The following CHD2 variants were observed in gnomAD, a reference collection of about 807,000 sequenced individuals.
CHD2 encodes chromodomain helicase DNA binding protein 2.
Under a neutral mutation model 243.9 loss-of-function variants are expected in CHD2, and 28 were observed. The ratio of observed to expected loss-of-function variants is 0.11; its 90% CI spans 0.09 to 0.16. The LOEUF (loss-of-function observed/expected upper bound fraction) is 0.16. Among genes scored for constraint, CHD2 ranks in the 10% least tolerant of loss-of-function variants. The pLI, the probability that CHD2 is intolerant of heterozygous loss-of-function variation, is 1.00. For missense variants in CHD2, 1,386 were observed against 2,209.8 expected (o/e 0.63, Z 7.47); for synonymous variants, 775 against 779.0 (o/e 0.99, Z 0.09).
intron 2 of CHD2, among the ~76,000 whole-genome samples, chr15:92,923,048 C>T (rs1373686095): frequency 1.3e-5 from 2 of 152,194 alleles, no homozygotes; most frequent in Non-Finnish European, 2.9e-5. Flanking sequence ...TCATTAGCAT[C>T]AGAGTGCCCT....
At chr15:92,927,414 A>G (rs2053083695) in intron 4 of CHD2, 84 bp downstream of exon 4, 6 of 989,776 alleles carry the variant, frequency 6.1e-6, no homozygotes, top group African/African-American at 3.2e-5. Context: ...ATTACCATTA[A>G]AAAGACTGAA....
At chr15:92,924,234 A>T (rs1274447568) in intron 2 of CHD2, 87 bp from the exon 3 acceptor site, 4 of 1,155,326 alleles carry the variant, frequency 3.5e-6, no homozygotes, top group Non-Finnish European at 3.7e-6. Flanking sequence ...TACTATCTGC[A>T]AATGTTTTAC....
At chr15:92,953,778 G>T (rs2053582760) in intron 14 of CHD2, 4 of 565,218 alleles carry the variant, frequency 7.1e-6, no homozygotes, top group Non-Finnish European at 1.2e-5. Context: ...AAAAGCAACA[G>T]CAGTATGTGA....
intron 2 of CHD2, among the ~76,000 whole-genome samples, chr15:92,917,790 C>T (rs945622174): frequency 2.0e-5 from 3 of 152,182 alleles, no homozygotes; most frequent in Admixed American, 6.5e-5. Context: ...TACACACGCA[C>T]ATACACACAC....
intron 5 of CHD2, among the ~76,000 whole-genome samples, chr15:92,934,526 G>C (rs933413843): frequency 6.6e-6 from 1 of 152,120 alleles, no homozygotes; most frequent in Non-Finnish European, 1.5e-5. Flanking sequence ...CTTTATTGTA[G>C]ACTGACTTAC....
At chr15:92,920,276 C>T (rs759062028) in intron 2 of CHD2, among the ~76,000 whole-genome samples, 1 of 152,096 alleles carries the variant, frequency 6.6e-6, no homozygotes, top group Non-Finnish European at 1.5e-5. Flanking sequence ...TGGTTACAGT[C>T]AACAGTTTCC....
At chr15:92,966,747 C>A (rs1294723885) in intron 16 of CHD2, among the ~76,000 whole-genome samples, 2 of 151,954 alleles carry the variant, frequency 1.3e-5, no homozygotes, top group Non-Finnish European at 2.9e-5. Context: ...CCTGTCTCTA[C>A]TAAAAATACA....
At chr15:92,906,261 C>G (rs904989301) in intron 2 of CHD2, among the ~76,000 whole-genome samples, 3 of 152,076 alleles carry the variant, frequency 2.0e-5, no homozygotes, top group Admixed American at 2.0e-4. Context: ...CTTTCTCTCT[C>G]TCTCTCTGTA....
In CHD2 at chr15:93,015,613, A is replaced by G. The variant is rs118127366; in HGVS notation, c.4906+704A>G. On this transcript the variant is annotated intron_variant, in intron 37 of 38. Coordinates refer to ENST00000394196, the MANE Select transcript of CHD2 (RefSeq NM_001271.4). Reference sequence around the variant, plus strand: ...GAAAATATTACCAACCGTACATCTGATAAGGGGATAATATCCAAACTGTGT... The same window carrying G: ...GAAAATATTACCAACCGTACATCTGGTAAGGGGATAATATCCAAACTGTGT... 3.0e-4 allele frequency among the ~76,000 whole-genome samples: 45 copies of G among 152,344 alleles called. 1 individual carries two copies. Among genetic ancestry groups the G allele is most frequent in the South Asian group, 1.7e-3 (8 of 4,834 alleles).
At chr15:92,916,323 GATACTTTT>G (rs2052834966) in intron 2 of CHD2, among the ~76,000 whole-genome samples, 1 of 152,212 alleles carries the variant, frequency 6.6e-6, no homozygotes, top group Non-Finnish European at 1.5e-5. Flanking sequence ...CTCTGTTTCA[GATACTTTT>G]GGGCTCACAG....
At position 92,937,233 on chromosome 15, in the gene CHD2, G is replaced by A. The variant is rs78177980; in HGVS notation, c.444-285G>A. On this transcript the variant is annotated intron_variant, in intron 5 of 38. Coordinates refer to ENST00000394196, the MANE Select transcript of CHD2 (RefSeq NM_001271.4). ...TTAAAATTTTGGAAGCACTGATCTT[G>A]TGCATGTTATGGTTTCAATCTTGTC... is the stretch of plus-strand genomic sequence containing the variant. Among the ~76,000 whole-genome samples the A allele has an allele frequency of 0.033, 5,018 of 152,010 alleles. 137 individuals are homozygous for A. Among genetic ancestry groups the A allele is most frequent in the Non-Finnish European group, 0.044 (2,974 of 68,000 alleles).
At chr15:92,996,854 A>G in intron 28 of CHD2, 103 bp from the exon 29 acceptor site, 1 of 1,106,152 alleles carries the variant, frequency 9.0e-7, no homozygotes, top group Non-Finnish European at 1.3e-6. Flanking sequence ...AATAAGCCAG[A>G]GATATATTCA....
At chr15:92,915,209 TA>T (rs1174158647) in intron 2 of CHD2, among the ~76,000 whole-genome samples, 3 of 152,158 alleles carry the variant, frequency 2.0e-5, no homozygotes, top group Non-Finnish European at 2.9e-5. Flanking sequence ...TGATCAGTTC[TA>T]CAGTGTTAGA....
At chr15:92,967,205 A>T in intron 16 of CHD2, 120 bp from the exon 17 acceptor site, 1 of 654,034 alleles carries the variant, frequency 1.5e-6, no homozygotes, top group Non-Finnish European at 2.5e-6. Flanking sequence ...CCTTCTATTT[A>T]AGAGCTCTAG....
chr15:92,960,803 C>T (rs896195528), intron 16 of CHD2, among the ~76,000 whole-genome samples: 2 of 150,632 alleles, frequency 1.3e-5, no homozygotes, highest in Non-Finnish European at 3.0e-5. Context: ...CAACCTCCAC[C>T]TCCCAGGTTC....
chr15:92,980,081 G>T (rs188310545), intron 22 of CHD2, among the ~76,000 whole-genome samples: 238 of 151,674 alleles, frequency 1.6e-3, no homozygotes, highest in African/African-American at 5.5e-3. Flanking sequence ...GTCTCGCTCG[G>T]TCGCCCAGGT....
intron 34 of CHD2, among the ~76,000 whole-genome samples, chr15:93,006,124 C>CTCT (rs2054317955): frequency 8.0e-6 from 1 of 125,266 alleles, no homozygotes; most frequent in Non-Finnish European, 1.7e-5. Flanking sequence ...CTCTCTCTCT[C>CTCT]TTTTTTTTTT....
intron 34 of CHD2, among the ~76,000 whole-genome samples, chr15:93,008,325 C>T (rs2054348470): frequency 6.6e-6 from 1 of 152,124 alleles, no homozygotes; most frequent in South Asian, 2.1e-4. Flanking sequence ...GTCCTTTTAT[C>T]CTTTTCTGGA....
intron 37 of CHD2, among the ~76,000 whole-genome samples, chr15:93,017,295 C>T (rs1395402405): frequency 6.7e-6 from 1 of 150,152 alleles, no homozygotes; most frequent in East Asian, 2.0e-4. Flanking sequence ...GTCCTCATTG[C>T]TTTAGCTGCT....
Sources: gnomAD v4.1 joint callset for allele counts (sites outside exome capture counted in the v4.1 genomes callset) on GRCh38, gnomAD v4.1.1 for gene constraint, MANE v1.5 for transcripts, NCBI Gene and HGNC (gene_info 2026-07-23, HGNC 2026-07-21) for gene names.